CNMD: variants seen among roughly 807,000 people sequenced by gnomAD.
The protein encoded by CNMD is leukocyte cell-derived chemotaxin 1.
CNMD carries 30 observed loss-of-function variants against 37.5 expected under a neutral mutation model. The ratio of observed to expected loss-of-function variants is 0.80; its 90% confidence interval spans 0.60 to 1.09. The LOEUF (loss-of-function observed/expected upper bound fraction) is 1.09. Among genes scored for constraint, CNMD ranks in the 50% least tolerant of loss-of-function variants. CNMD has a pLI of 0.00. For missense variants in CNMD, 398 were observed against 423.9 expected (o/e 0.94, Z 0.54); for synonymous variants, 167 against 148.2 (o/e 1.13, Z -0.92).
At chr13:52,737,094 C>T (rs540156067) in intron 2 of CNMD, among the ~76,000 whole-genome samples, 16 of 152,110 alleles carry the variant, frequency 1.1e-4, no homozygotes, top group Non-Finnish European at 1.8e-4. Context: ...TATAGAGGAG[C>T]CGAGGCACAG....
Position 52,733,297 on chromosome 13 carries a change from T to C in CNMD, c.276A>G (p.Ile92Met), listed in dbSNP as rs376436748. 6 of 1,613,590 alleles carry C rather than the reference T, an allele frequency of 3.7e-6. No individual in the cohort carries two copies. Among genetic ancestry groups the C allele is most frequent in the Non-Finnish European group, 5.1e-6 (6 of 1,179,576 alleles). Reference protein sequence around the residue: ...NGKLQDGSMEIDAGNNLETFK... With the variant: ...NGKLQDGSMEMDAGNNLETFK... ...AGGTCTCCAAGTTGTTCCCAGCGTC[T>C]ATTTCCATTGACCCATCTTGTAATT... The change falls in exon 3 of 7, where the codon ATA becomes ATG. Residue 92 changes from isoleucine to methionine, a missense_variant. Physicochemically the swap from Ile to Met is conservative, Grantham distance 10. Coordinates refer to ENST00000377962, the MANE Select transcript of CNMD (RefSeq NM_007015.3).
chr13:52,733,532 C>T (rs779655740), intron 2 of CNMD, 173 bp from the exon 3 acceptor site: 11 of 711,408 alleles, frequency 1.5e-5, no homozygotes, highest in Non-Finnish European at 2.3e-5. Flanking sequence ...TCAGTTAATG[C>T]AATGATTTCC....
rs534466437 is a variant in CNMD at position 52,708,575 on chromosome 13, T to C, written c.750A>G (p.Gln250=). Residue 250 remains glutamine, a synonymous_variant, in exon 6 of 7, where the codon CAA becomes CAG. Coordinates refer to ENST00000377962, the MANE Select transcript of CNMD (RefSeq NM_007015.3). ...CAGGATTGAAGGCTTGTGAGTCCTC[T>C]TGAACACTGGGTCTGGTTTCATTAT... ...RLNNETRPSV[Q]EDSQAFNPDN... 5 of 1,614,064 alleles carry C rather than the reference T, an allele frequency of 3.1e-6. No homozygotes were observed. The highest frequency in any genetic ancestry group is 4.2e-6 in the Non-Finnish European group (5 of 1,179,982).
At chr13:52,718,151 T>C (rs1964421914) in intron 4 of CNMD, among the ~76,000 whole-genome samples, 1 of 152,240 alleles carries the variant, frequency 6.6e-6, no homozygotes, top group Admixed American at 6.5e-5. Context: ...TAGCATTATC[T>C]GACGGTAGTT....
chr13:52,726,485 A>C (rs1228572861), intron 3 of CNMD, among the ~76,000 whole-genome samples: 1 of 151,938 alleles, frequency 6.6e-6, no homozygotes, highest in Non-Finnish European at 1.5e-5. Flanking sequence ...GAAAAATCAC[A>C]GACACCACCG....
intron 6 of CNMD, 84 bp from the exon 7 acceptor site, chr13:52,703,894 A>T (rs1964131955): frequency 8.5e-7 from 1 of 1,171,846 alleles, no homozygotes; most frequent in Non-Finnish European, 1.2e-6. Context: ...AAGATTCTGA[A>T]TTTTTCACTG....
rs578225832 is a variant in CNMD at position 52,730,676 on chromosome 13, C to G, written c.354+2543G>C. Among the ~76,000 whole-genome samples the G allele has an allele frequency of 9.2e-5, 14 of 152,230 alleles. No homozygotes were observed. The South Asian group carries it at 2.9e-3, about 32-fold the overall frequency. ...CCCACTTTTTGATGGGATATTCTTT[C>G]AATTTCTAAGGCTTTTTGTTATATA... On this transcript the variant is annotated intron_variant, in intron 3 of 6. Transcript: ENST00000377962.
rs201037740 is a variant in CNMD at position 52,703,676 on chromosome 13, A to G, written c.924T>C (p.Tyr308=). 3 of 1,614,182 alleles carry G rather than the reference A, an allele frequency of 1.9e-6. No homozygotes were observed. The highest frequency in any genetic ancestry group is 2.5e-6 in the Non-Finnish European group (3 of 1,180,002). ...AGGCCGAACGGCAGCCTTGATAATT[A>G]TAAGGCCATGGGTAATAGCCCCCCA... ...EPLGGYYPWP[Y]NYQGCRSACR... The change falls in exon 7 of 7, where the codon TAT becomes TAC. Residue 308 remains tyrosine, a synonymous_variant. Coordinates refer to ENST00000377962, the MANE Select transcript of CNMD (RefSeq NM_007015.3).
Position 52,739,338 on chromosome 13 carries a change from G to C in CNMD, c.73-167C>G. 1.2e-6 allele frequency: 1 copy of C among 819,596 alleles called. No individual in the cohort carries two copies. Among genetic ancestry groups the C allele is most frequent in the East Asian group, 3.1e-5 (1 of 31,836 alleles). The allele number at this position is 819,596 out of a possible 1,614,324, so 50.8% of individuals were successfully genotyped here. On this transcript the variant is annotated intron_variant, in intron 1 of 6. Coordinates refer to ENST00000377962, the MANE Select transcript of CNMD (RefSeq NM_007015.3). The surrounding 1 kb of genome is among the most constrained non-coding windows in gnomAD (Gnocchi z 5.4). Reference sequence around the variant, plus strand: ...CCTTTCGCCGCGCTCCCTCCCGAGGGTCCTTTGCAGTCGGGCGTGGAAGTG... The same window carrying C: ...CCTTTCGCCGCGCTCCCTCCCGAGGCTCCTTTGCAGTCGGGCGTGGAAGTG...
In CNMD at chr13:52,703,528, C is replaced by A; in HGVS notation, c.*67G>T. On this transcript the variant is annotated 3_prime_UTR_variant, in exon 7 of 7. Transcript: ENST00000377962. ...TGTGGTCCTATCAGCATCAACCTGCCTTAATGCTTCTTTGGTTGTCTCTTC... is the reference window on the plus strand; with the variant it reads ...TGTGGTCCTATCAGCATCAACCTGCATTAATGCTTCTTTGGTTGTCTCTTC... 8.8e-7 allele frequency: 1 copy of A among 1,139,658 alleles called. No homozygotes were observed. The allele number at this position is 1,139,658 out of a possible 1,614,324, so 70.6% of individuals were successfully genotyped here. A position where few individuals can be genotyped will look rare whatever the true frequency, so the allele number is the denominator to read the frequency against.
intron 6 of CNMD, among the ~76,000 whole-genome samples, chr13:52,705,470 G>A (rs536401434): frequency 2.0e-5 from 3 of 152,224 alleles, no homozygotes; most frequent in South Asian, 4.1e-4. Context: ...GACTCACTCT[G>A]TTCTTTACCT....
intron 3 of CNMD, among the ~76,000 whole-genome samples, chr13:52,729,302 G>T (rs1436451380): frequency 6.6e-6 from 1 of 152,154 alleles, no homozygotes; most frequent in Non-Finnish European, 1.5e-5. Flanking sequence ...GCCTGGGACA[G>T]TCCTGAAGAA....
intron 6 of CNMD, among the ~76,000 whole-genome samples, chr13:52,704,936 G>A (rs1194900656): frequency 6.6e-6 from 1 of 152,100 alleles, no homozygotes; most frequent in Non-Finnish European, 1.5e-5. Flanking sequence ...GTGGACACCT[G>A]TAATTCCAGC....
At chr13:52,733,474 T>A (rs1333554513) in intron 2 of CNMD, 115 bp from the exon 3 acceptor site, 2 of 860,840 alleles carry the variant, frequency 2.3e-6, no homozygotes, top group Non-Finnish European at 4.0e-6. Flanking sequence ...CATGAGATAG[T>A]CCTTAATAAT....
intron 3 of CNMD, 88 bp downstream of exon 3, chr13:52,733,131 G>A: frequency 1.6e-6 from 2 of 1,269,074 alleles, no homozygotes; most frequent in Non-Finnish European, 2.3e-6. Flanking sequence ...CCATTTGGAT[G>A]TGTGTGAGAA....
chr13:52,738,898 G>A, intron 2 of CNMD, 133 bp downstream of exon 2: 1 of 717,034 alleles, frequency 1.4e-6, no homozygotes. Context: ...AGAGTGGGAT[G>A]GGAGAGGGGA....
chr13:52,732,371 C>T (rs533433556), intron 3 of CNMD, among the ~76,000 whole-genome samples: 1 of 152,224 alleles, frequency 6.6e-6, no homozygotes, highest in Non-Finnish European at 1.5e-5. Flanking sequence ...GGAAATTCGG[C>T]CTGAAGTGAC....
chr13:52,735,767 C>T (rs1198574093), intron 2 of CNMD, among the ~76,000 whole-genome samples: 1 of 150,796 alleles, frequency 6.6e-6, no homozygotes, highest in Non-Finnish European at 1.5e-5. Flanking sequence ...GGGCCGCATG[C>T]AGGACCACAG....
At chr13:52,729,523 C>T (rs887289243) in intron 3 of CNMD, among the ~76,000 whole-genome samples, 7 of 152,222 alleles carry the variant, frequency 4.6e-5, no homozygotes, top group African/African-American at 1.7e-4. Flanking sequence ...TGCCAACACA[C>T]ACTTGTGTCT....
Sources: allele counts gnomAD v4.1 joint callset (sites outside exome capture counted in the v4.1 genomes callset), GRCh38; gene constraint gnomAD v4.1.1; non-coding constraint Gnocchi (gnomAD v3.1); transcripts MANE v1.5; gene names NCBI Gene and HGNC (gene_info 2026-07-23, HGNC 2026-07-21).